NOMO2: variants seen among roughly 807,000 people sequenced by gnomAD.
The protein encoded by NOMO2 is BOS complex subunit NOMO2.
In NOMO2, 14 loss-of-function variants were observed where a neutral mutation model predicts 67.1. The ratio of observed to expected loss-of-function variants is 0.21; its 90% CI spans 0.14 to 0.33. The LOEUF is 0.33. Ranked by LOEUF, NOMO2 falls within the 10% of genes least tolerant of loss-of-function variation. The pLI, the probability that NOMO2 is intolerant of heterozygous loss-of-function variation, is 1.00. For synonymous variants in NOMO2, 80 were observed against 305.9 expected (o/e 0.26, Z 7.71); for missense variants, 178 against 761.0 (o/e 0.23, Z 9.01).
intron 2 of NOMO2, among the ~76,000 whole-genome samples, chr16:18,555,486 A>G (rs1233122197): frequency 1.3e-5 from 2 of 149,296 alleles, no homozygotes; most frequent in East Asian, 4.0e-4. Context: ...AGTGAACCAT[A>G]ATTGTGCCCC....
chr16:18,538,608 G>A lies in NOMO2; in HGVS notation c.1138C>T (p.Gln380Ter). Residue 380 changes from glutamine to a stop codon, truncating the protein, a stop_gained, in exon 11 of 31, where the codon CAG becomes TAG. Coordinates refer to ENST00000622306, the MANE Select transcript of NOMO2 (RefSeq NM_173614.4). LOFTEE classifies it high-confidence loss of function. ...ITTGTYTIHA[Q>*]KEHLYFETVT... ...GTTTCAAAGTAGAGGTGCTCTTTCT[G>A]AGCATGGATGGTGTATGTCCCTGTG... 1 of 1,612,714 alleles carries A rather than the reference G, an allele frequency of 6.2e-7. No homozygotes were observed. The highest frequency in any genetic ancestry group is 8.5e-7 in the Non-Finnish European group (1 of 1,179,216).
chr16:18,528,988 A>AT (rs1901222388), intron 15 of NOMO2, among the ~76,000 whole-genome samples: 1 of 68,124 alleles, frequency 1.5e-5, no homozygotes, highest in African/African-American at 5.0e-5. Context: ...AAAAAAAAAA[A>AT]ATACATATAT....
Position 18,549,244 on chromosome 16 carries a change from C to T in NOMO2, c.509+277G>A, listed in dbSNP as rs1901722633. Among the ~76,000 whole-genome samples, 2 of 151,758 alleles carry T rather than the reference C, an allele frequency of 1.3e-5. 1 individual carries two copies. The highest frequency in any genetic ancestry group is 4.2e-4 in the South Asian group (2 of 4,806). ...ACTCAAGTGATCCTCCCATCCTGGC[C>T]TCCCAAAGTGCTGGCATTATAGGCG... On this transcript the variant is annotated intron_variant, in intron 5 of 30. Coordinates refer to ENST00000622306, the MANE Select transcript of NOMO2 (RefSeq NM_173614.4).
At chr16:18,536,482 T>C (rs1298928257) in intron 11 of NOMO2, among the ~76,000 whole-genome samples, 2 of 152,152 alleles carry the variant, frequency 1.3e-5, no homozygotes, top group Non-Finnish European at 1.5e-5. Context: ...TTTTATCTCT[T>C]TATTTATTTT....
At position 18,556,683 on chromosome 16, in the gene NOMO2, T is replaced by C. The variant is rs543224475; in HGVS notation, c.255+1019A>G. Among the ~76,000 whole-genome samples, 21 of 152,132 alleles carry C rather than the reference T, an allele frequency of 1.4e-4. 1 individual carries two copies. The East Asian group carries it at 3.1e-3, about 22-fold the overall frequency. On this transcript the variant is annotated intron_variant, in intron 2 of 30. Transcript: ENST00000622306. ...TATTTCCAAATAAAAGGTTTATAGG[T>C]GGGAGGATGGGATTGTATAGAGGTG...
In NOMO2 at chr16:18,538,629, C is replaced by A; in HGVS notation, c.1117G>T (p.Gly373Trp). The change falls in exon 11 of 31, where the codon GGG (glycine) becomes TGG (tryptophan). Residue 373 changes from glycine to tryptophan, a missense_variant. Gly to Trp is a radical substitution (Grantham distance 184). Transcript: ENST00000622306. ...GSFRLENITTGTYTIHAQKEH... is the reference protein window; with the variant it reads ...GSFRLENITTWTYTIHAQKEH... ...TTCTGAGCATGGATGGTGTATGTCC[C>A]TGTGGTTATGTTCTCAAGGCGGAAT... The A allele has an allele frequency of 1.9e-6, 3 of 1,612,576 alleles. No homozygotes were observed. In the South Asian group the frequency reaches 3.3e-5, roughly 18 times the overall value.
At chr16:18,529,239 G>A (rs2561922) in intron 15 of NOMO2, among the ~76,000 whole-genome samples, 30 of 150,102 alleles carry the variant, frequency 2.0e-4, no homozygotes, top group Admixed American at 5.3e-4. Context: ...AGTGTGCTCT[G>A]CACTGTACCA....
intron 16 of NOMO2, among the ~76,000 whole-genome samples, chr16:18,525,083 A>C (rs1901115751): frequency 6.8e-6 from 1 of 147,936 alleles, no homozygotes; most frequent in African/African-American, 2.5e-5. Context: ...AATTTCAGGA[A>C]GATACAAGGA....
At chr16:18,544,186 GCCTGGCT>G (rs1901615565) in intron 6 of NOMO2, among the ~76,000 whole-genome samples, 1 of 151,786 alleles carries the variant, frequency 6.6e-6, no homozygotes, top group African/African-American at 2.4e-5. Context: ...GAGCCACCGT[GCCTGGCT>G]TATCATTATT....
chr16:18,536,918 TG>T (rs1901436298), intron 11 of NOMO2, among the ~76,000 whole-genome samples: 1 of 151,960 alleles, frequency 6.6e-6, no homozygotes, highest in Non-Finnish European at 1.5e-5. Flanking sequence ...GCCTCCTCAG[TG>T]ATCAAGCCAG....
chr16:18,556,436 C>G (rs1394683259), intron 2 of NOMO2, among the ~76,000 whole-genome samples: 1 of 147,588 alleles, frequency 6.8e-6, no homozygotes, highest in Non-Finnish European at 1.5e-5. Flanking sequence ...GAGTGAGACT[C>G]TGTCTCAAAA....
intron 3 of NOMO2, among the ~76,000 whole-genome samples, chr16:18,553,071 C>T (rs1445221076): frequency 4.6e-5 from 7 of 151,734 alleles, no homozygotes; most frequent in South Asian, 2.1e-4. Context: ...GTCAGGAGTT[C>T]GAGACCAGCC....
chr16:18,520,414 A>T (rs367707338), intron 20 of NOMO2, among the ~76,000 whole-genome samples, 183 bp downstream of exon 20: 1 of 146,374 alleles, frequency 6.8e-6, no homozygotes, highest in Admixed American at 6.9e-5. Context: ...ATCCAACCCA[A>T]CCATCCATCC....
At chr16:18,543,148 T>C (rs2141738710) in intron 7 of NOMO2, among the ~76,000 whole-genome samples, 1 of 139,088 alleles carries the variant, frequency 7.2e-6, no homozygotes, top group Non-Finnish European at 1.6e-5. Context: ...GTGCAATGTC[T>C]TGTGAGTCAA....
At position 18,562,003 on chromosome 16, in the gene NOMO2, G is replaced by C; in HGVS notation, c.38C>G (p.Ala13Gly). The stretch of plus-strand genomic sequence containing the variant: ...CAGCACCACCGCGGCGGTGACCACC[G>C]CGGGCCCCAGCAGCCCCGCGCCCTG... The part of the protein sequence containing the change: ...VGQGAGLLGP[A>G]VVTAAVVLLL... The change falls in exon 1 of 31, where the codon GCG (alanine) becomes GGG (glycine). Residue 13 changes from alanine (A) to glycine (G), a missense_variant. Transcript: ENST00000622306. 9.0e-6 allele frequency: 14 copies of C among 1,551,556 alleles called. 1 individual carries two copies. Among genetic ancestry groups the C allele is most frequent in the Non-Finnish European group, 1.2e-5 (14 of 1,149,994 alleles).
intron 12 of NOMO2, 120 bp from the exon 13 acceptor site, chr16:18,531,727 C>T (rs1362772975): frequency 1.0e-5 from 16 of 1,542,488 alleles, no homozygotes; most frequent in South Asian, 1.3e-5. Flanking sequence ...GCCAAAGGTT[C>T]GTTTCCAGGC....
intron 2 of NOMO2, among the ~76,000 whole-genome samples, chr16:18,557,299 G>T (rs555111950): frequency 1.3e-5 from 2 of 151,602 alleles, no homozygotes; most frequent in South Asian, 2.1e-4. Context: ...TTGTACAATT[G>T]TTTTAACAAT....
intron 14 of NOMO2, among the ~76,000 whole-genome samples, 197 bp from the exon 15 acceptor site, chr16:18,529,834 G>A (rs1436713587): frequency 6.6e-6 from 1 of 151,178 alleles, no homozygotes; most frequent in African/African-American, 2.4e-5. Flanking sequence ...AAAACCTGGA[G>A]TCGAGCGTGG....
chr16:18,544,669 G>A (rs1901625288), intron 6 of NOMO2, among the ~76,000 whole-genome samples: 1 of 152,086 alleles, frequency 6.6e-6, no homozygotes, highest in Admixed American at 6.6e-5. Flanking sequence ...CACAGTCACT[G>A]TAAACCTATT....
Sources: allele counts gnomAD v4.1 joint callset (sites outside exome capture counted in the v4.1 genomes callset), GRCh38; gene constraint gnomAD v4.1.1; transcripts MANE v1.5; gene names NCBI Gene and HGNC (gene_info 2026-07-23, HGNC 2026-07-21).